Variants in MYOG observed in about 807,000 individuals in gnomAD.
The protein encoded by MYOG is class C basic helix-loop-helix protein 3.
A neutral mutation model predicts 17.7 loss-of-function variants in MYOG; 6 were observed. That is an observed-to-expected ratio of 0.34 (90% CI 0.19 to 0.67). The LOEUF is 0.67. Ranked by LOEUF, MYOG falls within the 30% of genes least tolerant of loss-of-function variation. The pLI is 0.69. For synonymous variants in MYOG, 125 were observed against 130.2 expected (o/e 0.96, Z 0.27); for missense variants, 272 against 302.0 (o/e 0.90, Z 0.74).
intron 2 of MYOG, 58 bp from the exon 3 acceptor site, chr1:203,084,089 A>G: frequency 1.9e-6 from 3 of 1,564,702 alleles, no homozygotes; most frequent in East Asian, 2.3e-5. Context: ...CTTGAGGCCC[A>G]GAATAGAGGA....
Position 203,085,695 on chromosome 1 carries a change from C to T in MYOG, c.267G>A (p.Arg89=). The change falls in exon 1 of 3, where the codon AGG becomes AGA. Residue 89 remains arginine, a synonymous_variant. Transcript: ENST00000241651. The part of the protein sequence containing the change: ...SVDRRRAATL[R]EKRRLKKVNE... Reference sequence around the variant, plus strand: ...TCACCTTCTTGAGCCTGCGCTTCTCCCTCAGTGTGGCCGCCCGCCGCCGGT... The same window carrying T: ...TCACCTTCTTGAGCCTGCGCTTCTCTCTCAGTGTGGCCGCCCGCCGCCGGT... 1.2e-6 allele frequency: 2 copies of T among 1,614,156 alleles called. No homozygotes were observed. Among genetic ancestry groups the T allele is most frequent in the Non-Finnish European group, 1.7e-6 (2 of 1,180,006 alleles).
chr1:203,085,040 C>T lies in MYOG; in HGVS notation c.472-312G>A, dbSNP rs190125234. Among the ~76,000 whole-genome samples the T allele has an allele frequency of 1.0e-3, 158 of 152,300 alleles. 1 individual carries two copies. Among genetic ancestry groups the T allele is most frequent in the Non-Finnish European group, 1.1e-3 (78 of 68,014 alleles). Reference sequence around the variant, plus strand: ...GGGTGATGGAGACAGATTTTGTGGCCCAGTGAAGGTCGCTCTGTGCAGGCC... The same window carrying T: ...GGGTGATGGAGACAGATTTTGTGGCTCAGTGAAGGTCGCTCTGTGCAGGCC... On this transcript the variant is annotated intron_variant, in intron 1 of 2. Transcript: ENST00000241651.
rs1653530252 is a variant in MYOG, at chr1:203,083,189, A to C, written c.*721T>G. ...GGAAATCCAAATAAGTTAGCAAAAA[A>C]AAAAAAAAAAAAAAAAAATACAAAA... On this transcript the variant is annotated 3_prime_UTR_variant, in exon 3 of 3. Transcript: ENST00000241651. 1.6e-5 allele frequency: 2 copies of C among 128,472 alleles called. No individual in the cohort carries two copies. The highest frequency in any genetic ancestry group is 8.5e-5 in the African/African-American group (2 of 23,440). The allele number at this position is 128,472 out of a possible 1,614,324, so 8.0% of individuals were successfully genotyped here.
Position 203,085,849 on chromosome 1 carries a change from G to T in MYOG, c.113C>A (p.Thr38Lys), listed in dbSNP as rs113785409. The change falls in exon 1 of 3, where the codon ACG becomes AAG. Residue 38 changes from threonine to lysine, a missense_variant. Coordinates refer to ENST00000241651, the MANE Select transcript of MYOG (RefSeq NM_002479.6). ...QGFEPPGYER[T>K]ELTLSPEAPG... is the part of the protein sequence containing the mutation. ...GGCCTCGGGGCTCAGGGTGAGCTCCGTCCGCTCGTAGCCTGGTGGTTCGAA... is the reference window on the plus strand; with the variant it reads ...GGCCTCGGGGCTCAGGGTGAGCTCCTTCCGCTCGTAGCCTGGTGGTTCGAA... 1.9e-6 allele frequency: 3 copies of T among 1,613,884 alleles called. No homozygotes were observed. Among genetic ancestry groups the T allele is most frequent in the Non-Finnish European group, 2.5e-6 (3 of 1,179,968 alleles).
intron 1 of MYOG, 37 bp downstream of exon 1, chr1:203,085,454 C>A: frequency 6.4e-7 from 1 of 1,561,544 alleles, no homozygotes. Context: ...CCTCTGGCCC[C>A]GTCCCCTTGG....
Position 203,085,937 on chromosome 1 carries a change from A to T in MYOG, c.25T>A (p.Tyr9Asn). MELYETSP[Y>N]FYQEPRFYDG... Reference sequence around the variant, plus strand: ...TAGAAGCGGGGTTCCTGGTAGAAGTAGGGGGATGTCTCATACAGCTCCATG... The same window carrying T: ...TAGAAGCGGGGTTCCTGGTAGAAGTTGGGGGATGTCTCATACAGCTCCATG... The change falls in exon 1 of 3, where the codon TAC (tyrosine) becomes AAC (asparagine). Residue 9 changes from tyrosine (Y) to asparagine (N), a missense_variant. Physicochemically the swap from Tyr to Asn is moderately radical, Grantham distance 143 (BLOSUM62 -2). Transcript: ENST00000241651. 6.3e-7 allele frequency: 1 copy of T among 1,596,918 alleles called. No individual in the cohort carries two copies. Among genetic ancestry groups the T allele is most frequent in the Non-Finnish European group, 8.5e-7 (1 of 1,172,286 alleles).
chr1:203,084,153 G>A (rs890694313), intron 2 of MYOG, 122 bp from the exon 3 acceptor site: 11 of 1,272,394 alleles, frequency 8.6e-6, no homozygotes, highest in Non-Finnish European at 1.1e-5. Context: ...ACAAAGCTCC[G>A]GAGTTCTACT....
rs1035957195 is a variant in MYOG, at chr1:203,085,819, C to T, written c.143G>A (p.Gly48Glu). The T allele has an allele frequency of 2.5e-6, 4 of 1,613,920 alleles. No individual in the cohort carries two copies. Among genetic ancestry groups the T allele is most frequent in the Admixed American group, 3.3e-5 (2 of 60,002 alleles). Residue 48 changes from glycine to glutamate, a missense_variant, in exon 1 of 3, where the codon GGG becomes GAG. Transcript: ENST00000241651. ...TELTLSPEAP[G>E]PLEDKGLGTP... Reference sequence around the variant, plus strand: ...CCCCAGCCCCTTGTCCTCAAGGGGCCCTGGGGCCTCGGGGCTCAGGGTGAG... The same window carrying T: ...CCCCAGCCCCTTGTCCTCAAGGGGCTCTGGGGCCTCGGGGCTCAGGGTGAG...
At position 203,085,952 on chromosome 1, in the gene MYOG, A is replaced by G. The variant is rs1653613033; in HGVS notation, c.10T>C (p.Tyr4His). The G allele has an allele frequency of 6.3e-7, 1 of 1,578,694 alleles. No homozygotes were observed. The highest frequency in any genetic ancestry group is 8.6e-7 in the Non-Finnish European group (1 of 1,163,270). The change falls in exon 1 of 3, where the codon TAT becomes CAT. Residue 4 changes from tyrosine (Y) to histidine (H), a missense_variant. By Grantham distance (83) the Tyr-to-His change is moderately conservative. Coordinates refer to ENST00000241651, the MANE Select transcript of MYOG (RefSeq NM_002479.6). Reference protein sequence around the residue: MELYETSPYFYQEP... With the variant: MELHETSPYFYQEP... The stretch of plus-strand genomic sequence containing the variant: ...TGGTAGAAGTAGGGGGATGTCTCAT[A>G]CAGCTCCATGGGGTCGGAAAAGGCT...
At position 203,084,727 on chromosome 1, in the gene MYOG, A is replaced by T; in HGVS notation, c.473T>A (p.Val158Glu). ...GCTGTGAGAGCTGCATTCGCTGGGC[A>T]CCTGCAAGACAGGGCGAAGGCCCAA... ...YRGGGGPQPGVPSECSSHSAS... is the reference protein window; with the variant it reads ...YRGGGGPQPGEPSECSSHSAS... Residue 158 changes from valine (V) to glutamate (E), a missense_variant and splice_region_variant, in exon 2 of 3, where the codon GTG becomes GAG. Physicochemically the swap from Val to Glu is moderately radical, Grantham distance 121. Coordinates refer to ENST00000241651, the MANE Select transcript of MYOG (RefSeq NM_002479.6). The T allele has an allele frequency of 6.2e-7, 1 of 1,607,190 alleles. No homozygotes were observed. The highest frequency in any genetic ancestry group is 8.5e-7 in the Non-Finnish European group (1 of 1,176,860).
intron 1 of MYOG, among the ~76,000 whole-genome samples, chr1:203,085,218 T>C (rs1282293379): frequency 6.6e-6 from 1 of 152,226 alleles, no homozygotes; most frequent in Non-Finnish European, 1.5e-5. Flanking sequence ...GGGCTGACTG[T>C]GGCCTTGCTC....
At chr1:203,084,877 A>G in intron 1 of MYOG, 149 bp from the exon 2 acceptor site, 1 of 737,414 alleles carries the variant, frequency 1.4e-6, no homozygotes, top group Non-Finnish European at 2.3e-6. Flanking sequence ...CCCCAACCCC[A>G]GAATCTTTGT....
At position 203,085,991 on chromosome 1, in the gene MYOG, A is replaced by G. The variant is rs771807623; in HGVS notation, c.-30T>C. The G allele has an allele frequency of 1.3e-5, 19 of 1,475,728 alleles. No individual in the cohort carries two copies. In the East Asian group the frequency reaches 2.8e-4, roughly 21 times the overall value. The allele number at this position is 1,475,728 out of a possible 1,614,324, so 91.4% of individuals were successfully genotyped here. On this transcript the variant is annotated 5_prime_UTR_variant, in exon 1 of 3. Coordinates refer to ENST00000241651, the MANE Select transcript of MYOG (RefSeq NM_002479.6). ...TCGGAAAAGGCTTGTTCCTGCCACC[A>G]GCCCCCAAGCTCCAGCAGCCCCTCA...
intron 2 of MYOG, 113 bp from the exon 3 acceptor site, chr1:203,084,144 C>A: frequency 7.3e-7 from 1 of 1,379,054 alleles, no homozygotes; most frequent in Non-Finnish European, 9.9e-7. Context: ...AGATGAATGA[C>A]AAAGCTCCGG....
chr1:203,083,857 C>A lies in MYOG; in HGVS notation c.*53G>T. Reference sequence around the variant, plus strand: ...GAGGCCCCTGCTACAGAAGTAGTGGCATCTGTGGCCAGCTTGGGGGGCTCG... The same window carrying A: ...GAGGCCCCTGCTACAGAAGTAGTGGAATCTGTGGCCAGCTTGGGGGGCTCG... On this transcript the variant is annotated 3_prime_UTR_variant, in exon 3 of 3. Transcript: ENST00000241651. 6.4e-7 allele frequency: 1 copy of A among 1,564,714 alleles called. No homozygotes were observed. Among genetic ancestry groups the A allele is most frequent in the Admixed American group, 1.9e-5 (1 of 52,282 alleles).
chr1:203,084,315 G>C (rs1345755754), intron 2 of MYOG, among the ~76,000 whole-genome samples: 1 of 151,868 alleles, frequency 6.6e-6, no homozygotes, highest in Non-Finnish European at 1.5e-5. Flanking sequence ...GCTCCCCAGA[G>C]ACTGGACCTG....
chr1:203,085,383 T>A, intron 1 of MYOG, 108 bp downstream of exon 1: 1 of 1,057,106 alleles, frequency 9.5e-7, no homozygotes, highest in Non-Finnish European at 1.3e-6. Flanking sequence ...CTCGACCCTG[T>A]CTGGCACCTG....
Position 203,083,846 on chromosome 1 carries a change from A to G in MYOG, c.*64T>C. 3 of 1,558,212 alleles carry G rather than the reference A, an allele frequency of 1.9e-6. No individual in the cohort carries two copies. Among genetic ancestry groups the G allele is most frequent in the Non-Finnish European group, 2.6e-6 (3 of 1,149,240 alleles). ...GCCTGGCTTAGGAGGCCCCTGCTAC[A>G]GAAGTAGTGGCATCTGTGGCCAGCT... On this transcript the variant is annotated 3_prime_UTR_variant, in exon 3 of 3. Transcript: ENST00000241651.
rs149914557 is a variant in MYOG at position 203,085,919 on chromosome 1, G to A, written c.43C>T (p.Arg15Cys). ...ETSPYFYQEP[R>C]FYDGENYLPV... ...AGGTAGTTTTCCCCATCATAGAAGC[G>A]GGGTTCCTGGTAGAAGTAGGGGGAT... Residue 15 changes from arginine (R) to cysteine (C), a missense_variant, in exon 1 of 3, where the codon CGC becomes TGC. Arg to Cys is a radical substitution (Grantham distance 180). Transcript: ENST00000241651. The A allele has an allele frequency of 2.5e-6, 4 of 1,605,400 alleles. No individual in the cohort carries two copies. Among genetic ancestry groups the A allele is most frequent in the South Asian group, 2.2e-5 (2 of 89,768 alleles).
Sources: gnomAD v4.1 joint callset for allele counts (sites outside exome capture counted in the v4.1 genomes callset) on GRCh38, gnomAD v4.1.1 for gene constraint, MANE v1.5 for transcripts, NCBI Gene and HGNC (gene_info 2026-07-23, HGNC 2026-07-21) for gene names.